PTPRN2: variants seen among roughly 807,000 people sequenced by gnomAD.
The protein encoded by PTPRN2 is receptor-type tyrosine-protein phosphatase N2.
PTPRN2 carries 74 observed loss-of-function variants against 118.8 expected under a neutral mutation model. The observed-to-expected ratio is 0.62, with a 90% confidence interval of 0.52 to 0.76. PTPRN2 has a LOEUF of 0.76. Among genes scored for constraint, PTPRN2 ranks in the 30% least tolerant of loss-of-function variants. The probability of loss-of-function intolerance (pLI) is 0.00; values close to 1 mark genes in which losing one functional copy is unlikely to be tolerated. For synonymous variants in PTPRN2, 641 were observed against 608.0 expected (o/e 1.05, Z -0.80); for missense variants, 1,481 against 1,394.4 (o/e 1.06, Z -0.99).
intron 12 of PTPRN2, among the ~76,000 whole-genome samples, chr7:157,753,726 CA>C (rs958304650): frequency 6.0e-5 from 9 of 149,406 alleles, no homozygotes; most frequent in Admixed American, 2.0e-4. Flanking sequence ...TACCATGTGC[CA>C]GGCCCCACAC....
intron 12 of PTPRN2, among the ~76,000 whole-genome samples, chr7:157,723,833 A>G (rs917637448): frequency 1.3e-5 from 2 of 152,140 alleles, no homozygotes; most frequent in African/African-American, 2.4e-5. Flanking sequence ...ATCCACCACC[A>G]TCCAATTCCC....
At chr7:157,915,542 C>CT (rs1798349917) in intron 11 of PTPRN2, among the ~76,000 whole-genome samples, 1 of 151,084 alleles carries the variant, frequency 6.6e-6, no homozygotes, top group Non-Finnish European at 1.5e-5. Flanking sequence ...AGAAGACACT[C>CT]TATCATCGGT....
chr7:158,074,403 G>A (rs1462548403), intron 11 of PTPRN2, among the ~76,000 whole-genome samples: 1 of 152,184 alleles, frequency 6.6e-6, no homozygotes, highest in African/African-American at 2.4e-5. Context: ...GGCCACGGAA[G>A]CCTCCTGCAC....
intron 1 of PTPRN2, among the ~76,000 whole-genome samples, chr7:158,527,886 C>T (rs754738152): frequency 1.3e-5 from 2 of 151,992 alleles, no homozygotes; most frequent in Admixed American, 6.6e-5. Flanking sequence ...AGCTGCGCCT[C>T]GGTGCTGCTG....
At chr7:158,455,708 G>A (rs111401802) in intron 2 of PTPRN2, among the ~76,000 whole-genome samples, 17 of 110,618 alleles carry the variant, frequency 1.5e-4, no homozygotes, top group Middle Eastern at 6.6e-3. Flanking sequence ...AGAAGACAAC[G>A]GCATGGACGC....
At position 158,017,480 on chromosome 7, in the gene PTPRN2, C is replaced by A. The variant is rs895224760; in HGVS notation, c.1723+63818G>T. The stretch of plus-strand genomic sequence containing the variant: ...AGCACCTGTGTGCAGGGAGTCCAGG[C>A]CTGAACTAGCAGAGGCATTTCTGAA... On this transcript the variant is annotated intron_variant, in intron 11 of 22. Transcript: ENST00000389418. 7.2e-5 allele frequency among the ~76,000 whole-genome samples: 11 copies of A among 152,256 alleles called. No individual in the cohort carries two copies. In the South Asian group the frequency reaches 2.3e-3, roughly 32 times the overall value.
intron 1 of PTPRN2, among the ~76,000 whole-genome samples, chr7:158,498,780 G>T (rs1024884672): frequency 1.3e-5 from 2 of 152,212 alleles, no homozygotes; most frequent in South Asian, 2.1e-4. Context: ...GGGATGAAAT[G>T]GTTAAGCTAA....
At chr7:157,948,754 A>G (rs1339752127) in intron 11 of PTPRN2, among the ~76,000 whole-genome samples, 1 of 152,240 alleles carries the variant, frequency 6.6e-6, no homozygotes, top group African/African-American at 2.4e-5. Flanking sequence ...AAAATTTTTG[A>G]GTGCCTACAT....
At chr7:157,761,671 A>G (rs1297548447) in intron 12 of PTPRN2, among the ~76,000 whole-genome samples, 1 of 148,528 alleles carries the variant, frequency 6.7e-6, no homozygotes, top group East Asian at 1.9e-4. Context: ...AGGCATTACC[A>G]TTCAGGACAT....
chr7:158,340,601 T>G (rs1314768969), intron 2 of PTPRN2, among the ~76,000 whole-genome samples: 3 of 113,018 alleles, frequency 2.7e-5, no homozygotes, highest in Non-Finnish European at 3.9e-5. Context: ...CAGACATCAC[T>G]CACACCCACA....
chr7:157,747,838 G>A (rs1337562220), intron 12 of PTPRN2, among the ~76,000 whole-genome samples: 2 of 134,202 alleles, frequency 1.5e-5, no homozygotes, highest in Non-Finnish European at 3.1e-5. Flanking sequence ...TGAGCTTTGG[G>A]CTGTCCGGGT....
intron 2 of PTPRN2, among the ~76,000 whole-genome samples, chr7:158,325,356 CT>C (rs2151127085): frequency 1.3e-5 from 1 of 77,032 alleles, no homozygotes; most frequent in East Asian, 3.4e-4. Flanking sequence ...CCTACTTTTA[CT>C]TATATGTCTT....
intron 12 of PTPRN2, among the ~76,000 whole-genome samples, chr7:157,708,042 T>C (rs1798420189): frequency 6.6e-6 from 1 of 152,262 alleles, no homozygotes; most frequent in Admixed American, 6.5e-5. Flanking sequence ...CCCTTAGCAG[T>C]GTGCATCTGC....
intron 11 of PTPRN2, among the ~76,000 whole-genome samples, chr7:158,002,626 G>A (rs1472533403): frequency 6.6e-6 from 1 of 152,198 alleles, no homozygotes; most frequent in Non-Finnish European, 1.5e-5. Flanking sequence ...GGGTGAAGAG[G>A]AGGATGTGAA....
chr7:157,744,930 C>T (rs1800834011), intron 12 of PTPRN2, among the ~76,000 whole-genome samples: 1 of 152,206 alleles, frequency 6.6e-6, no homozygotes, highest in Non-Finnish European at 1.5e-5. Flanking sequence ...CTCTGAGGGG[C>T]CCTGAGGCGT....
chr7:157,556,323 CCACACT>C (rs1563209360), intron 21 of PTPRN2, among the ~76,000 whole-genome samples: 6 of 146,830 alleles, frequency 4.1e-5, no homozygotes, highest in East Asian at 2.0e-4. Context: ...ACACACACAC[CCACACT>C]CACACTCACG....
chr7:158,419,667 C>T (rs916251095), intron 2 of PTPRN2, among the ~76,000 whole-genome samples: 25 of 152,116 alleles, frequency 1.6e-4, no homozygotes, highest in Admixed American at 5.9e-4. Flanking sequence ...TGATGGAGGA[C>T]TTGGAGAAGA....
chr7:158,403,881 C>T (rs1482664880), intron 2 of PTPRN2, among the ~76,000 whole-genome samples: 2 of 152,216 alleles, frequency 1.3e-5, no homozygotes, highest in African/African-American at 4.8e-5. Context: ...ATGCCTTTAG[C>T]TAGCACAAAA....
In PTPRN2 at chr7:157,578,043, G is replaced by A; in HGVS notation, c.2594C>T (p.Ser865Phe). 6.2e-7 allele frequency: 1 copy of A among 1,612,802 alleles called. No homozygotes were observed. Among genetic ancestry groups the A allele is most frequent in the South Asian group, 1.1e-5 (1 of 90,990 alleles). Residue 865 changes from serine (S) to phenylalanine (F), a missense_variant, in exon 18 of 23, where the codon TCC (serine) becomes TTC (phenylalanine). By Grantham distance (155) the Ser-to-Phe change is radical. Transcript: ENST00000389418. The stretch of plus-strand genomic sequence containing the variant: ...TACCTCATAGATGTGGTAGAGATTG[G>A]AGCCTTCATCCGGCCAGTAGTGGTA... ...QCYHYWPDEGSNLYHIYEVNL... is the reference protein window; with the variant it reads ...QCYHYWPDEGFNLYHIYEVNL...
Sources: allele counts gnomAD v4.1 joint callset (sites outside exome capture counted in the v4.1 genomes callset), GRCh38; gene constraint gnomAD v4.1.1; transcripts MANE v1.5; gene names NCBI Gene and HGNC (gene_info 2026-07-23, HGNC 2026-07-21).